SLC66A2: variants seen among roughly 807,000 people sequenced by gnomAD.
SLC66A2 encodes the protein solute carrier family 66 member 2.
SLC66A2 carries 23 observed loss-of-function variants against 25.5 expected under a neutral mutation model. The ratio of observed to expected loss-of-function variants is 0.90; its 90% CI spans 0.65 to 1.28. The LOEUF (loss-of-function observed/expected upper bound fraction) is 1.28, where lower values mean the gene tolerates loss of function less well. SLC66A2 is among the 50% of genes most tolerant of loss of function. The probability of loss-of-function intolerance (pLI) is 0.00; values close to 1 mark genes in which losing one functional copy is unlikely to be tolerated. For missense variants in SLC66A2, 396 were observed against 373.1 expected, an observed-to-expected ratio of 1.06 and a Z score of -0.51; for synonymous variants, 193 against 166.5, an observed-to-expected ratio of 1.16 and a Z score of -1.23.
chr18:79,919,130 G>A (rs977392528), intron 5 of SLC66A2, 54 bp downstream of exon 5: 123 of 1,478,780 alleles, frequency 8.3e-5, no homozygotes, highest in Admixed American at 3.0e-4. Context: ...CAAATCTGCA[G>A]CCATGTGGTG....
intron 3 of SLC66A2, among the ~76,000 whole-genome samples, chr18:79,936,362 CT>C (rs1332381941): frequency 6.6e-6 from 1 of 152,244 alleles, no homozygotes; most frequent in Non-Finnish European, 1.5e-5. Flanking sequence ...CACATGACCC[CT>C]ACATACAACA....
At chr18:79,943,192 TA>T (rs1987841175) in intron 3 of SLC66A2, 136 bp downstream of exon 3, 2 of 1,044,182 alleles carry the variant, frequency 1.9e-6, no homozygotes, top group South Asian at 3.5e-5. Flanking sequence ...CTGAAAACAC[TA>T]TCAGCTGGAG....
chr18:79,922,073 C>CA (rs1214914606), intron 4 of SLC66A2, among the ~76,000 whole-genome samples: 7 of 150,072 alleles, frequency 4.7e-5, no homozygotes, highest in African/African-American at 1.8e-4. Flanking sequence ...AGCGAGGGGT[C>CA]AAATCAGGGA....
At chr18:79,912,172 G>T (rs1040039856) in intron 5 of SLC66A2, among the ~76,000 whole-genome samples, 2 of 152,030 alleles carry the variant, frequency 1.3e-5, no homozygotes, top group African/African-American at 4.8e-5. Context: ...GGGGATGGGA[G>T]CAGGGAGGGG....
rs201846863 is a variant in SLC66A2 at position 79,919,190 on chromosome 18, C to A, written c.602G>T (p.Gly201Val). Residue 201 changes from glycine to valine, a missense_variant, in exon 5 of 6, where the codon GGC becomes GTC. Transcript: ENST00000397778. The part of the protein sequence containing the change: ...YRNHRHQSTE[G>V]MSIKMVLMWT... ...GGCGGCATCCCCGGCCTACCTCATG[C>A]CCTCCGTGGACTGGTGGCGGTGGTT... The A allele has an allele frequency of 4.3e-6, 7 of 1,613,012 alleles. No homozygotes were observed. The Admixed American group carries it at 5.0e-5, about 12-fold the overall frequency.
At chr18:79,930,620 T>C (rs192217680) in intron 4 of SLC66A2, among the ~76,000 whole-genome samples, 3 of 152,328 alleles carry the variant, frequency 2.0e-5, no homozygotes, top group East Asian at 1.9e-4. Flanking sequence ...ACAATATGCA[T>C]TGTATTGTTT....
At position 79,937,882 on chromosome 18, in the gene SLC66A2, G is replaced by C. The variant is rs546935262; in HGVS notation, c.338-3860C>G. 6.6e-6 allele frequency among the ~76,000 whole-genome samples: 1 copy of C among 152,148 alleles called. No individual in the cohort carries two copies. Among genetic ancestry groups the C allele is most frequent in the African/African-American group, 2.4e-5 (1 of 41,404 alleles). On this transcript the variant is annotated intron_variant, in intron 3 of 5. Transcript: ENST00000397778. The surrounding 1 kb of genome is among the most constrained non-coding windows in gnomAD (Gnocchi z 5.4). The stretch of plus-strand genomic sequence containing the variant: ...AAAACTCAGCCTGCAGGAGTACTCA[G>C]CAATCTTGTTAAAAATGCAGGTGGC...
In SLC66A2 at chr18:79,903,857, A is replaced by C; in HGVS notation, c.*119T>G. 2 of 861,238 alleles carry C rather than the reference A, an allele frequency of 2.3e-6. No individual in the cohort carries two copies. The highest frequency in any genetic ancestry group is 3.3e-5 in the South Asian group (2 of 61,140). 53.3% of individuals were successfully genotyped at this position (861,238 alleles called of 1,614,324 possible). ...CCCACAGAGGCTGATGGAGACCCCA[A>C]TGCCCATGCCCCATCTCTGCCACAC... On this transcript the variant is annotated 3_prime_UTR_variant, in exon 6 of 6. Coordinates refer to ENST00000397778, the MANE Select transcript of SLC66A2 (RefSeq NM_025078.5).
At position 79,903,046 on chromosome 18, in the gene SLC66A2, C is replaced by T. The variant is rs3744883; in HGVS notation, c.*930G>A. 0.047 allele frequency: 6,536 copies of T among 138,964 alleles called. 178 individuals carry two copies. The highest frequency in any genetic ancestry group is 0.071 in the African/African-American group (2,769 of 39,064). The allele number at this position is 138,964 out of a possible 1,614,324, so 8.6% of individuals were successfully genotyped here. On this transcript the variant is annotated 3_prime_UTR_variant, in exon 6 of 6. Transcript: ENST00000397778. ...AGGACCTGCACGGCAGGGGCAGCCC[C>T]CTCCACTCCCTGGACCCGAGACCGT...
intron 2 of SLC66A2, chr18:79,943,776 T>C (rs538905771): frequency 1.8e-4 from 38 of 211,012 alleles, no homozygotes; most frequent in Non-Finnish European, 4.4e-5. Flanking sequence ...GGTCCCGAAC[T>C]TGCAGCAGGA....
In SLC66A2 at chr18:79,927,317, A is replaced by C. The variant is rs918949679; in HGVS notation, c.391+6652T>G. ...GAGGGGCACAGGCTACAGTCGGGAGAGCCCCGGGCAGGCACACAGGGGCTC... is the reference window on the plus strand; with the variant it reads ...GAGGGGCACAGGCTACAGTCGGGAGCGCCCCGGGCAGGCACACAGGGGCTC... On this transcript the variant is annotated intron_variant, in intron 4 of 5. Transcript: ENST00000397778. The surrounding 1 kb of genome is among the most constrained non-coding windows in gnomAD (Gnocchi z 6.2). Among the ~76,000 whole-genome samples, 3 of 135,502 alleles carry C rather than the reference A, an allele frequency of 2.2e-5. No individual in the cohort carries two copies. The highest frequency in any genetic ancestry group is 4.5e-5 in the Non-Finnish European group (3 of 66,964). 88.9% of individuals were successfully genotyped at this position (135,502 alleles called of 152,430 possible).
In SLC66A2 at chr18:79,903,908, C is replaced by G. The variant is rs1327175626; in HGVS notation, c.*68G>C. The G allele has an allele frequency of 1.4e-6, 2 of 1,427,830 alleles. No individual in the cohort carries two copies. Among genetic ancestry groups the G allele is most frequent in the Non-Finnish European group, 1.9e-6 (2 of 1,060,534 alleles). The allele number at this position is 1,427,830 out of a possible 1,614,324, so 88.4% of individuals were successfully genotyped here. A position where few individuals can be genotyped will look rare whatever the true frequency, so the allele number is the denominator to read the frequency against. On this transcript the variant is annotated 3_prime_UTR_variant, in exon 6 of 6. Coordinates refer to ENST00000397778, the MANE Select transcript of SLC66A2 (RefSeq NM_025078.5). ...CTGCAGGGGCCACAGCACCCACCCT[C>G]CCCGCGGGGAGGTCAGGGCCCACCA...
chr18:79,908,584 ATTTC>A (rs1237414516), intron 5 of SLC66A2, among the ~76,000 whole-genome samples: 1 of 151,916 alleles, frequency 6.6e-6, no homozygotes, highest in African/African-American at 2.4e-5. Flanking sequence ...TTCAGCCCTT[ATTTC>A]TTCAGCTATT....
Position 79,904,268 on chromosome 18 carries a change from G to A in SLC66A2, c.609-85C>T, listed in dbSNP as rs183790465. 875 of 1,226,184 alleles carry A rather than the reference G, an allele frequency of 7.1e-4. 4 individuals are homozygous for A. In the African/African-American group the frequency reaches 0.011, roughly 16 times the overall value. 76.0% of individuals were successfully genotyped at this position (1,226,184 alleles called of 1,614,324 possible). A position where few individuals can be genotyped will look rare whatever the true frequency, so the allele number is the denominator to read the frequency against. ...TGGGGAGGCCTGGGGCTTAGACAGC[G>A]GGGAGACCTGGGGCTCAGGGGCACC... On this transcript the variant is annotated intron_variant, in intron 5 of 5. Transcript: ENST00000397778. The surrounding 1 kb of genome is among the most constrained non-coding windows in gnomAD (Gnocchi z 6.3).
chr18:79,926,376 A>G (rs1480595398), intron 4 of SLC66A2, among the ~76,000 whole-genome samples: 2 of 152,140 alleles, frequency 1.3e-5, no homozygotes, highest in Non-Finnish European at 2.9e-5. Flanking sequence ...AGGGACAGAG[A>G]ATGCCAGAGA....
chr18:79,903,850 G>A lies in SLC66A2; in HGVS notation c.*126C>T. ...GAGACACCCCACAGAGGCTGATGGA[G>A]ACCCCAATGCCCATGCCCCATCTCT... On this transcript the variant is annotated 3_prime_UTR_variant, in exon 6 of 6. Coordinates refer to ENST00000397778, the MANE Select transcript of SLC66A2 (RefSeq NM_025078.5). 1 of 779,578 alleles carries A rather than the reference G, an allele frequency of 1.3e-6. No homozygotes were observed. Among genetic ancestry groups the A allele is most frequent in the Non-Finnish European group, 2.0e-6 (1 of 496,522 alleles). The allele number at this position is 779,578 out of a possible 1,614,324, so 48.3% of individuals were successfully genotyped here.
intron 4 of SLC66A2, among the ~76,000 whole-genome samples, chr18:79,923,817 G>T (rs942173696): frequency 2.0e-5 from 3 of 152,214 alleles, no homozygotes; most frequent in African/African-American, 7.2e-5. Context: ...GGAGGTTGAG[G>T]TGGGAGAATC....
chr18:79,916,966 GCGGTGCCCGCCGC>G (rs1984256727), intron 5 of SLC66A2, among the ~76,000 whole-genome samples: 1 of 152,272 alleles, frequency 6.6e-6, no homozygotes, highest in African/African-American at 2.4e-5. Context: ...AGGACAACCG[GCGGTGCCCGCCGC>G]AGGACCGACT....
chr18:79,930,315 A>C (rs1374614971), intron 4 of SLC66A2: 2 of 152,222 alleles, frequency 1.3e-5, no homozygotes, highest in African/African-American at 4.8e-5. Context: ...CAAAGCACTG[A>C]AAAGAAAAAA....
Sources: allele counts gnomAD v4.1 joint callset (sites outside exome capture counted in the v4.1 genomes callset), GRCh38; gene constraint gnomAD v4.1.1; non-coding constraint Gnocchi (gnomAD v3.1); transcripts MANE v1.5; gene names NCBI Gene and HGNC (gene_info 2026-07-23, HGNC 2026-07-21).